Variants in SETX observed in about 807,000 individuals in gnomAD.
SETX encodes helicase senataxin.
In SETX, 90 loss-of-function variants were observed where a neutral mutation model predicts 227.2. That is an observed-to-expected ratio of 0.40 (90% CI 0.33 to 0.47). The LOEUF (loss-of-function observed/expected upper bound fraction) is 0.47, where lower values mean the gene tolerates loss of function less well. SETX is among the 20% of genes least tolerant of loss of function. SETX has a pLI of 0.91. For missense variants in SETX, 3,052 were observed against 3,181.5 expected (o/e 0.96, Z 0.98); for synonymous variants, 1,210 against 1,113.2 (o/e 1.09, Z -1.73).
upstream of SETX, among the ~76,000 whole-genome samples, chr9:132,356,423 A>G (rs1265511559): frequency 6.6e-6 from 1 of 152,088 alleles, no homozygotes; most frequent in African/African-American, 2.4e-5. Flanking sequence ...GATGGTCTCA[A>G]ACTCCAACCT....
At position 132,264,797 on chromosome 9, in the gene SETX, G is replaced by A. The variant is rs1589597454; in HGVS notation, c.7476C>T (p.Ser2492=). Residue 2492 remains serine (S), a synonymous_variant, in exon 26 of 26, where the codon AGC becomes AGT. Transcript: ENST00000224140. ...TGGCAAATCCACTGTCTAGCTTGCTGCTGGGCAAACCACCCTGGGGTCTGG... is the reference window on the plus strand; with the variant it reads ...TGGCAAATCCACTGTCTAGCTTGCTACTGGGCAAACCACCCTGGGGTCTGG... ...EGSRPQGGLP[S]SKLDSGFAKT... 1 of 1,614,214 alleles carries A rather than the reference G, an allele frequency of 6.2e-7. No homozygotes were observed. The highest frequency in any genetic ancestry group is 2.2e-5 in the East Asian group (1 of 44,888).
chr9:132,340,377 C>G (rs1005659719), intron 5 of SETX, among the ~76,000 whole-genome samples: 1 of 152,218 alleles, frequency 6.6e-6, no homozygotes, highest in Non-Finnish European at 1.5e-5. Context: ...TCTGCTTCTA[C>G]TGAAATCTTC....
intron 6 of SETX, 146 bp from the exon 7 acceptor site, chr9:132,334,873 C>T (rs926881177): frequency 8.5e-6 from 7 of 825,924 alleles, no homozygotes; most frequent in Admixed American, 6.4e-5. Context: ...TATTCATACA[C>T]AACTGCTCCC....
At chr9:132,279,591 ACTT>A (rs898877476) in intron 20 of SETX, among the ~76,000 whole-genome samples, 40 of 152,364 alleles carry the variant, frequency 2.6e-4, no homozygotes, top group African/African-American at 9.6e-4. Flanking sequence ...GAAAGGCATT[ACTT>A]CTTAACCTAT....
chr9:132,339,395 G>C (rs1036118270), intron 5 of SETX, among the ~76,000 whole-genome samples: 4 of 152,172 alleles, frequency 2.6e-5, no homozygotes, highest in African/African-American at 7.2e-5. Context: ...AGAGATTACA[G>C]TGAGCTGTCA....
intron 11 of SETX, 96 bp downstream of exon 11, chr9:132,311,661 T>G (rs1416906080): frequency 2.3e-6 from 2 of 853,180 alleles, no homozygotes; most frequent in East Asian, 5.3e-5. Flanking sequence ...CTTAGAAAAT[T>G]TGTGTCCCCC....
At chr9:132,285,158 T>G (rs1415161207) in intron 18 of SETX, among the ~76,000 whole-genome samples, 1 of 152,080 alleles carries the variant, frequency 6.6e-6, no homozygotes, top group Non-Finnish European at 1.5e-5. Flanking sequence ...AGTACAGGCG[T>G]GAGCCACCGC....
chr9:132,278,871 T>A (rs1843334808), intron 20 of SETX, among the ~76,000 whole-genome samples: 1 of 152,018 alleles, frequency 6.6e-6, no homozygotes, highest in South Asian at 2.1e-4. Flanking sequence ...TTCATCCATC[T>A]AATATGTACT....
intron 13 of SETX, among the ~76,000 whole-genome samples, chr9:132,297,780 T>C (rs1454308073): frequency 6.6e-6 from 1 of 152,216 alleles, no homozygotes; most frequent in African/African-American, 2.4e-5. Flanking sequence ...ATCATTCAAA[T>C]GTAAATTTAA....
At chr9:132,265,145 A>C (rs975435012) in intron 25 of SETX, among the ~76,000 whole-genome samples, 160 bp from the exon 26 acceptor site, 1 of 151,422 alleles carries the variant, frequency 6.6e-6, no homozygotes, top group African/African-American at 2.4e-5. Flanking sequence ...GGAAAAAATA[A>C]ATTCAAATAA....
At chr9:132,334,902 C>G (rs1847493281) in intron 6 of SETX, among the ~76,000 whole-genome samples, 175 bp from the exon 7 acceptor site, 1 of 152,126 alleles carries the variant, frequency 6.6e-6, no homozygotes, top group African/African-American at 2.4e-5. Flanking sequence ...GAACTCTAGA[C>G]TAATTCAAGT....
At chr9:132,288,183 A>C in intron 17 of SETX, 53 bp downstream of exon 17, 1 of 1,438,246 alleles carries the variant, frequency 7.0e-7, no homozygotes, top group East Asian at 2.3e-5. Context: ...CTCAAAAAAA[A>C]CTTGTTAACT....
At chr9:132,340,883 T>G (rs922780798) in intron 5 of SETX, among the ~76,000 whole-genome samples, 1 of 152,186 alleles carries the variant, frequency 6.6e-6, no homozygotes, top group Admixed American at 6.5e-5. Context: ...CCTTTTCTAC[T>G]TTATTCTCCC....
At chr9:132,282,223 C>A (rs1054282292) in intron 19 of SETX, among the ~76,000 whole-genome samples, 1 of 151,472 alleles carries the variant, frequency 6.6e-6, no homozygotes, top group Non-Finnish European at 1.5e-5. Flanking sequence ...TCCTGCTGGG[C>A]ATGAGCCTGA....
chr9:132,343,819 G>C, intron 4 of SETX, among the ~76,000 whole-genome samples: 1 of 152,246 alleles, frequency 6.6e-6, no homozygotes, highest in Middle Eastern at 3.4e-3. Context: ...AATACTTGAA[G>C]AAGTCTTAGA....
intron 13 of SETX, 122 bp downstream of exon 13, chr9:132,297,956 AAC>A: frequency 1.2e-6 from 1 of 816,474 alleles, no homozygotes; most frequent in Non-Finnish European, 2.0e-6. Context: ...AAAGAAAACT[AAC>A]ACTAAACTGT....
chr9:132,327,621 G>A lies in SETX; in HGVS notation c.3977C>T (p.Thr1326Ile). 1 of 1,613,950 alleles carries A rather than the reference G, an allele frequency of 6.2e-7. No individual in the cohort carries two copies. The highest frequency in any genetic ancestry group is 8.5e-7 in the Non-Finnish European group (1 of 1,179,968). Residue 1326 changes from threonine (T) to isoleucine (I), a missense_variant, in exon 10 of 26, where the codon ACT (threonine) becomes ATT (isoleucine). Thr to Ile is a moderately conservative substitution (Grantham distance 89). Transcript: ENST00000224140. ...CAGGTTCTGAGGAGAAATTAATTTA[G>A]TCTTTTTTCGGGTATCAACTACTCC... is the stretch of plus-strand genomic sequence containing the variant. ...TVGVVDTRKK[T>I]KLISPQNLSV...
intron 7 of SETX, 101 bp from the exon 8 acceptor site, chr9:132,331,549 C>G (rs1281855361): frequency 2.3e-6 from 3 of 1,297,048 alleles, no homozygotes; most frequent in Non-Finnish European, 3.2e-6. Context: ...GAGTAGCAAC[C>G]CAACTAAAAG....
intron 22 of SETX, among the ~76,000 whole-genome samples, chr9:132,275,858 G>C (rs988920616): frequency 6.6e-6 from 1 of 152,072 alleles, no homozygotes; most frequent in African/African-American, 2.4e-5. Flanking sequence ...GATCTTCCTT[G>C]TCCCTCACCA....
Sources: allele counts gnomAD v4.1 joint callset (sites outside exome capture counted in the v4.1 genomes callset), GRCh38; gene constraint gnomAD v4.1.1; transcripts MANE v1.5; gene names NCBI Gene and HGNC (gene_info 2026-07-23, HGNC 2026-07-21).